Variants in PTGES3 observed in about 807,000 individuals in gnomAD.
PTGES3 encodes the protein prostaglandin E synthase 3.
Under a neutral mutation model 29.9 loss-of-function variants are expected in PTGES3, and 5 were observed. The observed-to-expected ratio is 0.17, with a 90% CI of 0.09 to 0.35. PTGES3 has a LOEUF of 0.35. Ranked by LOEUF, PTGES3 falls within the 10% of genes least tolerant of loss-of-function variation. The probability of loss-of-function intolerance (pLI) is 1.00; values close to 1 mark genes in which losing one functional copy is unlikely to be tolerated. For synonymous variants in PTGES3, 49 were observed against 57.8 expected, an observed-to-expected ratio of 0.85 and a Z score of 0.69; for missense variants, 128 against 190.0, an observed-to-expected ratio of 0.67 and a Z score of 1.92.
chr12:56,669,719 C>T (rs1240390723), intron 5 of PTGES3, among the ~76,000 whole-genome samples: 2 of 152,254 alleles, frequency 1.3e-5, no homozygotes, highest in East Asian at 1.9e-4. Context: ...TCAAGCAATT[C>T]CCGTTTCAGC....
At chr12:56,687,869 C>T in intron 1 of PTGES3, 129 bp downstream of exon 1, 2 of 1,552,208 alleles carry the variant, frequency 1.3e-6, no homozygotes, top group Admixed American at 2.0e-5. Flanking sequence ...GGATCCTGGA[C>T]CTCCCGCCCC....
chr12:56,683,107 T>C (rs1463414140), intron 1 of PTGES3, among the ~76,000 whole-genome samples: 1 of 151,974 alleles, frequency 6.6e-6, no homozygotes, highest in Non-Finnish European at 1.5e-5. Context: ...CCCAGCACTC[T>C]AGGAGTCTGA....
At chr12:56,685,802 A>G (rs61939906) in intron 1 of PTGES3, among the ~76,000 whole-genome samples, 8,985 of 103,336 alleles carry the variant, frequency 0.087, 357 homozygotes, top group Middle Eastern at 0.29. Flanking sequence ...TTTGAGACGG[A>G]GTCTCCCTCT....
chr12:56,666,218 C>G lies in PTGES3; in HGVS notation c.424G>C (p.Asp142His). 1 of 1,610,200 alleles carries G rather than the reference C, an allele frequency of 6.2e-7. No homozygotes were observed. The highest frequency in any genetic ancestry group is 8.5e-7 in the Non-Finnish European group (1 of 1,178,070). ...GDEDVDLPEV[D>H]GADDDSQDSD... ...TTTAGACTTACATCATCTGCTCCAT[C>G]TACTTCTGGTAAATCTACATCCTCA... is the stretch of plus-strand genomic sequence containing the variant. Residue 142 changes from aspartate to histidine, a missense_variant, in exon 6 of 8, where the codon GAT becomes CAT. Coordinates refer to ENST00000262033, the MANE Select transcript of PTGES3 (RefSeq NM_006601.7).
intron 1 of PTGES3, among the ~76,000 whole-genome samples, chr12:56,678,285 C>A (rs939437869): frequency 1.3e-5 from 2 of 152,094 alleles, no homozygotes; most frequent in Non-Finnish European, 2.9e-5. Flanking sequence ...TCAAGCAGTT[C>A]TCCTTCCTCA....
At chr12:56,685,280 G>T (rs572679718) in intron 1 of PTGES3, among the ~76,000 whole-genome samples, 44 of 151,884 alleles carry the variant, frequency 2.9e-4, no homozygotes, top group Non-Finnish European at 5.4e-4. Flanking sequence ...TTACTAAACG[G>T]CATATATTAT....
intron 4 of PTGES3, among the ~76,000 whole-genome samples, chr12:56,671,397 T>C (rs531086058): frequency 6.6e-6 from 1 of 152,258 alleles, no homozygotes; most frequent in East Asian, 1.9e-4. Context: ...AGACCCTGTT[T>C]TGGGGGAAAA....
At chr12:56,674,128 C>T (rs1592256574) in intron 1 of PTGES3, among the ~76,000 whole-genome samples, 1 of 152,278 alleles carries the variant, frequency 6.6e-6, no homozygotes, top group East Asian at 1.9e-4. Flanking sequence ...CCCAGTACAT[C>T]TTAAGAATGG....
At chr12:56,686,938 G>C (rs554135367) in intron 1 of PTGES3, 2 of 348,456 alleles carry the variant, frequency 5.7e-6, no homozygotes, top group South Asian at 1.4e-4. Context: ...AGAAAAAAAA[G>C]GTTCCACCTT....
In PTGES3 at chr12:56,663,383, C is replaced by T. The variant is rs1168598303; in HGVS notation, c.*1096G>A. On this transcript the variant is annotated 3_prime_UTR_variant, in exon 8 of 8. Transcript: ENST00000262033. ...ACAACACATTTAGTTTTATTTCAAT[C>T]AAATCACACAACACTTTCTTTTCCA... The T allele has an allele frequency of 1.4e-5, 2 of 143,674 alleles. No individual in the cohort carries two copies. The highest frequency in any genetic ancestry group is 2.5e-5 in the African/African-American group (1 of 39,304). The allele number at this position is 143,674 out of a possible 1,614,324, so 8.9% of individuals were successfully genotyped here. A position where few individuals can be genotyped will look rare whatever the true frequency, so the allele number is the denominator to read the frequency against.
At chr12:56,684,412 C>T (rs960664827) in intron 1 of PTGES3, among the ~76,000 whole-genome samples, 2 of 152,154 alleles carry the variant, frequency 1.3e-5, no homozygotes, top group Admixed American at 6.6e-5. Context: ...CAAAGGCCAC[C>T]CACCATCAGA....
intron 6 of PTGES3, 115 bp from the exon 7 acceptor site, chr12:56,664,915 G>C: frequency 6.8e-7 from 1 of 1,467,026 alleles, no homozygotes; most frequent in Non-Finnish European, 9.0e-7. Flanking sequence ...CAGGTAGGTA[G>C]TCATATCAAG....
intron 3 of PTGES3, 55 bp from the exon 4 acceptor site, chr12:56,671,902 G>GA (rs769601498): frequency 1.9e-5 from 21 of 1,083,650 alleles, no homozygotes; most frequent in Non-Finnish European, 2.7e-5. Context: ...CTACATGATA[G>GA]AAAATAGCTT....
chr12:56,675,059 T>C (rs1952175735), intron 1 of PTGES3, among the ~76,000 whole-genome samples: 1 of 147,354 alleles, frequency 6.8e-6, no homozygotes, highest in Admixed American at 6.9e-5. Context: ...CCCAGCACTT[T>C]GGGAGGCAGA....
At chr12:56,673,789 C>CAAA (rs57371154) in intron 1 of PTGES3, among the ~76,000 whole-genome samples, 16 of 92,330 alleles carry the variant, frequency 1.7e-4, no homozygotes, top group Non-Finnish European at 2.4e-4. Context: ...GAGACTGTCT[C>CAAA]AAAAAAAAAA....
At chr12:56,678,261 T>A (rs1198706391) in intron 1 of PTGES3, among the ~76,000 whole-genome samples, 8 of 152,102 alleles carry the variant, frequency 5.3e-5, no homozygotes, top group Non-Finnish European at 1.2e-4. Context: ...CACAGCAGCT[T>A]CTGCCTCCTG....
At chr12:56,679,661 CAT>C (rs765641206) in intron 1 of PTGES3, among the ~76,000 whole-genome samples, 7 of 152,024 alleles carry the variant, frequency 4.6e-5, no homozygotes, top group African/African-American at 1.7e-4. Context: ...GCCCCCTCTC[CAT>C]ATGTTTTGGG....
chr12:56,682,829 A>G (rs1952612384), intron 1 of PTGES3, among the ~76,000 whole-genome samples: 1 of 151,412 alleles, frequency 6.6e-6, no homozygotes, highest in African/African-American at 2.4e-5. Context: ...CCCCATTTCT[A>G]CTAAAATACA....
At chr12:56,672,690 G>A (rs756313866) in intron 3 of PTGES3, 50 bp downstream of exon 3, 57 of 1,496,546 alleles carry the variant, frequency 3.8e-5, no homozygotes, top group Non-Finnish European at 4.6e-5. Context: ...TACTTGGTAT[G>A]TCTGTTTCCT....
Sources: allele counts gnomAD v4.1 joint callset (sites outside exome capture counted in the v4.1 genomes callset), GRCh38; gene constraint gnomAD v4.1.1; transcripts MANE v1.5; gene names NCBI Gene and HGNC (gene_info 2026-07-23, HGNC 2026-07-21).